Variants in DHRS7B observed in about 807,000 individuals in gnomAD.
DHRS7B encodes the protein peroxisomal reductase activating PPAR-gamma.
In DHRS7B, 24 loss-of-function variants were observed where a neutral mutation model predicts 26.4. That is an observed-to-expected ratio of 0.91 (90% CI 0.66 to 1.28). DHRS7B has a LOEUF of 1.28. DHRS7B is among the 50% of genes most tolerant of loss of function. DHRS7B has a pLI of 0.00. For synonymous variants in DHRS7B, 142 were observed against 166.4 expected (o/e 0.85, Z 1.13); for missense variants, 368 against 419.4 (o/e 0.88, Z 1.07).
At chr17:21,129,703 TCAAA>T (rs1973186117) in intron 1 of DHRS7B, among the ~76,000 whole-genome samples, 2 of 27,450 alleles carry the variant, frequency 7.3e-5, no homozygotes, top group African/African-American at 3.3e-4. Context: ...AGACCCTGAC[TCAAA>T]AAAAAAAAAA....
chr17:21,130,072 G>A (rs369113419), intron 1 of DHRS7B, among the ~76,000 whole-genome samples: 247 of 152,316 alleles, frequency 1.6e-3, no homozygotes, highest in Non-Finnish European at 2.5e-3. Context: ...GGATAGGGCT[G>A]GGGCATTGTC....
At chr17:21,136,077 T>C (rs1407637801) in intron 1 of DHRS7B, among the ~76,000 whole-genome samples, 1 of 152,066 alleles carries the variant, frequency 6.6e-6, no homozygotes, top group Non-Finnish European at 1.5e-5. Context: ...GGTGGGTGGA[T>C]CACCTGAGGT....
At chr17:21,184,879 C>T (rs553470766) in intron 5 of DHRS7B, among the ~76,000 whole-genome samples, 2 of 152,280 alleles carry the variant, frequency 1.3e-5, no homozygotes, top group South Asian at 2.1e-4. Context: ...GTTTTTTCTA[C>T]GTATAATTCA....
intron 1 of DHRS7B, chr17:21,127,864 C>T (rs1164920497): frequency 6.6e-6 from 1 of 152,128 alleles, no homozygotes; most frequent in Non-Finnish European, 1.5e-5. Flanking sequence ...CCGATTGCAA[C>T]GGTGTGTTTG....
At chr17:21,136,647 G>A (rs892740365) in intron 1 of DHRS7B, among the ~76,000 whole-genome samples, 2 of 152,086 alleles carry the variant, frequency 1.3e-5, no homozygotes, top group African/African-American at 2.4e-5. Flanking sequence ...CGCCTCCCAG[G>A]TTCAAGCGAT....
At chr17:21,152,599 G>A (rs1973795619) in intron 1 of DHRS7B, among the ~76,000 whole-genome samples, 1 of 152,224 alleles carries the variant, frequency 6.6e-6, no homozygotes, top group African/African-American at 2.4e-5. Flanking sequence ...ATATTGGAGA[G>A]ACATCCCTTT....
intron 1 of DHRS7B, among the ~76,000 whole-genome samples, chr17:21,161,737 A>C (rs1301890338): frequency 6.6e-6 from 1 of 152,176 alleles, no homozygotes; most frequent in Admixed American, 6.5e-5. Context: ...GTCCTCAGGA[A>C]ATATTTGCTA....
At chr17:21,148,213 C>A (rs537720192) in intron 1 of DHRS7B, among the ~76,000 whole-genome samples, 3 of 151,760 alleles carry the variant, frequency 2.0e-5, no homozygotes, top group South Asian at 2.1e-4. Context: ...CCATGCCCAG[C>A]CCTAAAAAAT....
intron 1 of DHRS7B, chr17:21,168,886 C>T: frequency 1.0e-6 from 1 of 985,442 alleles, no homozygotes; most frequent in South Asian, 4.7e-5. Flanking sequence ...CAGAAGTGTA[C>T]AAGACGGTGT....
At chr17:21,176,388 C>T (rs1234122848) in intron 2 of DHRS7B, among the ~76,000 whole-genome samples, 1 of 151,904 alleles carries the variant, frequency 6.6e-6, no homozygotes, top group African/African-American at 2.4e-5. Flanking sequence ...ATCGCTTGAG[C>T]CCAGGAATTT....
Position 21,178,433 on chromosome 17 carries a change from G to A in DHRS7B, c.309+91G>A, listed in dbSNP as rs1166151528. 5.7e-6 allele frequency: 6 copies of A among 1,055,346 alleles called. No homozygotes were observed. The African/African-American group carries it at 7.9e-5, about 14-fold the overall frequency. 65.4% of individuals were successfully genotyped at this position (1,055,346 alleles called of 1,614,324 possible). A position where few individuals can be genotyped will look rare whatever the true frequency, so the allele number is the denominator to read the frequency against. On this transcript the variant is annotated intron_variant, in intron 3 of 6. Coordinates refer to ENST00000395511, the MANE Select transcript of DHRS7B (RefSeq NM_015510.5). Reference sequence around the variant, plus strand: ...TAGTGGCCCACTCCTGGACTGCTGAGCTGTAGGACATCCATGCGTCACACT... The same window carrying A: ...TAGTGGCCCACTCCTGGACTGCTGAACTGTAGGACATCCATGCGTCACACT...
At chr17:21,166,040 C>A in intron 1 of DHRS7B, 1 of 467,358 alleles carries the variant, frequency 2.1e-6, no homozygotes. Flanking sequence ...ACAGACTTGG[C>A]GCGGGCTCTG....
At chr17:21,138,547 G>A (rs1049889244) in intron 1 of DHRS7B, among the ~76,000 whole-genome samples, 2 of 151,842 alleles carry the variant, frequency 1.3e-5, no homozygotes, top group African/African-American at 2.4e-5. Flanking sequence ...TAAACAACCA[G>A]TCATTTTATT....
chr17:21,171,967 C>T (rs1974258291), intron 1 of DHRS7B, 51 bp from the exon 2 acceptor site: 1 of 1,608,850 alleles, frequency 6.2e-7, no homozygotes, highest in Non-Finnish European at 8.5e-7. Context: ...TAGGAAAGTC[C>T]CCTGAACTCT....
rs548453515 is a variant in DHRS7B, at chr17:21,166,568, G to A, written c.21-5450G>A. The stretch of plus-strand genomic sequence containing the variant: ...AAAAAAAAAAAGGCAGTTTGACCCT[G>A]CCTTTACTTTCTGAAAATGACAGAA... On this transcript the variant is annotated intron_variant, in intron 1 of 6. Transcript: ENST00000395511. 5.3e-5 allele frequency: 35 copies of A among 662,440 alleles called. No individual in the cohort carries two copies. The South Asian group carries it at 1.8e-3, about 34-fold the overall frequency. The allele number at this position is 662,440 out of a possible 1,614,324, so 41.0% of individuals were successfully genotyped here. A position where few individuals can be genotyped will look rare whatever the true frequency, so the allele number is the denominator to read the frequency against.
chr17:21,170,115 TGCTG>T (rs988940014), intron 1 of DHRS7B, among the ~76,000 whole-genome samples: 18 of 152,258 alleles, frequency 1.2e-4, no homozygotes, highest in African/African-American at 4.1e-4. Context: ...TTTTGTCAAT[TGCTG>T]TAATTTTCTG....
chr17:21,156,033 T>TA (rs761566394), intron 1 of DHRS7B, among the ~76,000 whole-genome samples: 14 of 152,228 alleles, frequency 9.2e-5, no homozygotes, highest in Non-Finnish European at 1.9e-4. Context: ...ATCAACAATC[T>TA]AAGTTTATAC....
At chr17:21,187,112 T>TAA (rs1555540712) in intron 5 of DHRS7B, among the ~76,000 whole-genome samples, 162 of 146,702 alleles carry the variant, frequency 1.1e-3, no homozygotes, top group Non-Finnish European at 1.8e-3. Context: ...TATATATATA[T>TAA]AAAATATATA....
At chr17:21,173,212 A>G (rs940000042) in intron 2 of DHRS7B, among the ~76,000 whole-genome samples, 3 of 152,266 alleles carry the variant, frequency 2.0e-5, no homozygotes, top group Non-Finnish European at 2.9e-5. Flanking sequence ...ATATATTGCC[A>G]TTGCAGTAAC....
Sources: allele counts gnomAD v4.1 joint callset (sites outside exome capture counted in the v4.1 genomes callset), GRCh38; gene constraint gnomAD v4.1.1; transcripts MANE v1.5; gene names NCBI Gene and HGNC (gene_info 2026-07-23, HGNC 2026-07-21).